NSMCE2: variants seen among roughly 807,000 people sequenced by gnomAD.
NSMCE2 encodes the protein NSE2 SUMO ligase component of SMC5/6 complex.
Under a neutral mutation model 23.8 loss-of-function variants are expected in NSMCE2, and 24 were observed. That is an observed-to-expected ratio of 1.01 (90% CI 0.73 to 1.42). The LOEUF is 1.42. Among genes scored for constraint, NSMCE2 ranks in the 40% most tolerant of loss-of-function variants. NSMCE2 has a pLI of 0.00. For synonymous variants in NSMCE2, 92 were observed against 94.1 expected, an observed-to-expected ratio of 0.98 and a Z score of 0.13; for missense variants, 284 against 296.5, an observed-to-expected ratio of 0.96 and a Z score of 0.31.
At chr8:125,252,840 C>T (rs184357998) in intron 5 of NSMCE2, among the ~76,000 whole-genome samples, 291 of 152,306 alleles carry the variant, frequency 1.9e-3, no homozygotes, top group African/African-American at 6.1e-3. Context: ...TGGGTAGTTC[C>T]GGAGTTAAGA....
intron 4 of NSMCE2, among the ~76,000 whole-genome samples, chr8:125,168,740 G>T (rs569905492): frequency 1.3e-5 from 2 of 152,330 alleles, no homozygotes; most frequent in East Asian, 3.9e-4. Flanking sequence ...TTCATCATAT[G>T]AATTTGGAGG....
At chr8:125,304,585 G>A (rs188148506) in intron 5 of NSMCE2, among the ~76,000 whole-genome samples, 52 of 152,166 alleles carry the variant, frequency 3.4e-4, no homozygotes, top group Admixed American at 1.1e-3. Context: ...GGCTGGGTGC[G>A]GTGGCTCACA....
intron 4 of NSMCE2, among the ~76,000 whole-genome samples, chr8:125,153,567 G>A (rs1484966982): frequency 1.3e-5 from 2 of 152,102 alleles, no homozygotes; most frequent in Non-Finnish European, 2.9e-5. Flanking sequence ...AGCTTGGGAG[G>A]GGCCGGGATA....
intron 5 of NSMCE2, among the ~76,000 whole-genome samples, chr8:125,297,439 T>A (rs1177876920): frequency 2.0e-5 from 3 of 152,166 alleles, no homozygotes; most frequent in African/African-American, 7.2e-5. Context: ...TAGTTCTAAA[T>A]GGGGGAAATG....
At chr8:125,244,408 T>C (rs150079475) in intron 5 of NSMCE2, among the ~76,000 whole-genome samples, 62 of 152,148 alleles carry the variant, frequency 4.1e-4, no homozygotes, top group African/African-American at 1.5e-3. Flanking sequence ...CCTATATGGC[T>C]AAGGGAGGGG....
At chr8:125,284,091 T>C (rs1212237758) in intron 5 of NSMCE2, among the ~76,000 whole-genome samples, 1 of 150,624 alleles carries the variant, frequency 6.6e-6, no homozygotes, top group Non-Finnish European at 1.5e-5. Context: ...GAAGCAGAGC[T>C]TGCAGTGAGC....
chr8:125,135,400 G>A (rs1820014857), intron 3 of NSMCE2, among the ~76,000 whole-genome samples: 1 of 152,084 alleles, frequency 6.6e-6, no homozygotes, highest in Non-Finnish European at 1.5e-5. Flanking sequence ...GTGACATCCA[G>A]TTTACCAATT....
At chr8:125,169,780 T>A (rs775280453) in intron 4 of NSMCE2, among the ~76,000 whole-genome samples, 1 of 152,214 alleles carries the variant, frequency 6.6e-6, no homozygotes, top group African/African-American at 2.4e-5. Flanking sequence ...CAGTTTTTCC[T>A]TGTTACTTTC....
chr8:125,272,864 T>G (rs4367569), intron 5 of NSMCE2, among the ~76,000 whole-genome samples: 104,285 of 139,964 alleles, frequency 0.75, 40,155 homozygotes, highest in Non-Finnish European at 0.83. Flanking sequence ...CACATATATA[T>G]ACACACGTAT....
At chr8:125,234,854 C>T (rs1206416572) in intron 5 of NSMCE2, among the ~76,000 whole-genome samples, 1 of 152,150 alleles carries the variant, frequency 6.6e-6, no homozygotes. Flanking sequence ...CAAAACACAA[C>T]TCTTGTCCGC....
intron 5 of NSMCE2, among the ~76,000 whole-genome samples, chr8:125,194,065 AGG>A (rs1018978191): frequency 1.8e-4 from 28 of 152,310 alleles, no homozygotes; most frequent in African/African-American, 6.3e-4. Flanking sequence ...GTATTTCATA[AGG>A]CATATTTTAG....
intron 5 of NSMCE2, among the ~76,000 whole-genome samples, chr8:125,319,905 G>C (rs942099682): frequency 1.3e-5 from 2 of 152,036 alleles, no homozygotes; most frequent in African/African-American, 4.8e-5. Flanking sequence ...GGCCAGGCGT[G>C]GTGGCTCACG....
rs145957293 is a variant in NSMCE2, at chr8:125,160,790, C to G, written c.264+9513C>G. ...TATTTAAATGAAGACTGAGGAAATT[C>G]AGCCCTAAAATGTATTTCTCTCTGT... On this transcript the variant is annotated intron_variant, in intron 4 of 7. Coordinates refer to ENST00000287437, the MANE Select transcript of NSMCE2 (RefSeq NM_173685.4). Among the ~76,000 whole-genome samples, 370 of 152,282 alleles carry G rather than the reference C, an allele frequency of 2.4e-3. 1 individual carries two copies. The highest frequency in any genetic ancestry group is 8.4e-3 in the African/African-American group (349 of 41,560).
chr8:125,216,956 G>C (rs1391386298), intron 5 of NSMCE2, among the ~76,000 whole-genome samples: 1 of 152,198 alleles, frequency 6.6e-6, no homozygotes, highest in African/African-American at 2.4e-5. Flanking sequence ...GTAACAAACA[G>C]AGCTTTAGAA....
At chr8:125,320,788 C>T (rs185768356) in intron 5 of NSMCE2, among the ~76,000 whole-genome samples, 44 of 152,312 alleles carry the variant, frequency 2.9e-4, no homozygotes, top group Non-Finnish European at 1.8e-4. Flanking sequence ...AGTATTAGTT[C>T]TCATACTGCT....
intron 5 of NSMCE2, among the ~76,000 whole-genome samples, chr8:125,341,916 A>C (rs1339882208): frequency 1.3e-5 from 2 of 148,738 alleles, no homozygotes; most frequent in East Asian, 1.9e-4. Context: ...AAAAAAAAAA[A>C]AAAAAACCTG....
At chr8:125,261,798 TA>T (rs965070391) in intron 5 of NSMCE2, among the ~76,000 whole-genome samples, 1 of 151,320 alleles carries the variant, frequency 6.6e-6, no homozygotes, top group Non-Finnish European at 1.5e-5. Flanking sequence ...AAAACATTTT[TA>T]AAAATCAATT....
At chr8:125,204,000 A>T (rs930032381) in intron 5 of NSMCE2, among the ~76,000 whole-genome samples, 5 of 152,166 alleles carry the variant, frequency 3.3e-5, no homozygotes, top group African/African-American at 1.2e-4. Flanking sequence ...CTAGAATGTC[A>T]TTGCGGTGAG....
intron 5 of NSMCE2, among the ~76,000 whole-genome samples, chr8:125,330,872 C>T (rs1829848804): frequency 6.6e-6 from 1 of 152,154 alleles, no homozygotes; most frequent in South Asian, 2.1e-4. Context: ...GTGACCACAG[C>T]TCCTTTCAGT....
Sources: gnomAD v4.1 joint callset for allele counts (sites outside exome capture counted in the v4.1 genomes callset) on GRCh38, gnomAD v4.1.1 for gene constraint, MANE v1.5 for transcripts, NCBI Gene and HGNC (gene_info 2026-07-23, HGNC 2026-07-21) for gene names.